The following PAPPA2 variants were observed in gnomAD, a reference collection of about 807,000 sequenced individuals.
The protein encoded by PAPPA2 is pappalysin-2.
PAPPA2 carries 86 observed loss-of-function variants against 176.4 expected under a neutral mutation model. The ratio of observed to expected loss-of-function variants is 0.49; its 90% confidence interval spans 0.41 to 0.58. The LOEUF is 0.58. PAPPA2 is among the 20% of genes least tolerant of loss of function. PAPPA2 has a pLI of 0.00. For missense variants in PAPPA2, 2,073 were observed against 2,256.9 expected (o/e 0.92, Z 1.65); for synonymous variants, 809 against 852.2 (o/e 0.95, Z 0.88).
intron 12 of PAPPA2, among the ~76,000 whole-genome samples, chr1:176,728,822 A>T (rs551596169): frequency 1.3e-5 from 2 of 151,954 alleles, no homozygotes; most frequent in Non-Finnish European, 2.9e-5. Context: ...ATGCCCAAAC[A>T]TATATACATA....
At chr1:176,741,985 T>C (rs1662700083) in intron 14 of PAPPA2, among the ~76,000 whole-genome samples, 1 of 152,202 alleles carries the variant, frequency 6.6e-6, no homozygotes, top group Non-Finnish European at 1.5e-5. Flanking sequence ...GGTGACTGCC[T>C]TCTAATCTTT....
intron 17 of PAPPA2, among the ~76,000 whole-genome samples, chr1:176,776,516 AC>A (rs1664462006): frequency 6.6e-6 from 1 of 152,170 alleles, no homozygotes; most frequent in Non-Finnish European, 1.5e-5. Context: ...CCACATTGTG[AC>A]TATTTATTGT....
Position 176,793,578 on chromosome 1 carries a change from T to C in PAPPA2, c.5039T>C (p.Leu1680Ser). The change falls in exon 20 of 23, where the codon TTG (leucine) becomes TCG (serine). Residue 1680 changes from leucine to serine, a missense_variant. This residue lies in a region of PAPPA2 where 846 missense variants were observed against 857.9 expected (regional missense o/e 0.99). Transcript: ENST00000367662. ...CTTTCAGGTGCAGTGTGTTCCCCAT[T>C]GTGTGTAATCCCCCCCAGTGACCCC... ...GYGIGAVCSP[L>S]CVIPPSDPVM... 1 of 1,611,926 alleles carries C rather than the reference T, an allele frequency of 6.2e-7. No homozygotes were observed. The highest frequency in any genetic ancestry group is 8.5e-7 in the Non-Finnish European group (1 of 1,178,284).
At chr1:176,477,239 T>C (rs1652170355) in intron 1 of PAPPA2, among the ~76,000 whole-genome samples, 1 of 152,216 alleles carries the variant, frequency 6.6e-6, no homozygotes, top group African/African-American at 2.4e-5. Flanking sequence ...TGCATGCTCA[T>C]ACTTTCCTTT....
chr1:176,725,023 A>C (rs1001329946), intron 12 of PAPPA2, among the ~76,000 whole-genome samples: 2 of 152,220 alleles, frequency 1.3e-5, no homozygotes, highest in African/African-American at 2.4e-5. Flanking sequence ...TTCTATAAAG[A>C]AAGCAGATTA....
chr1:176,702,771 G>T, intron 9 of PAPPA2, 36 bp downstream of exon 9: 2 of 1,558,926 alleles, frequency 1.3e-6, no homozygotes, highest in Non-Finnish European at 8.7e-7. Context: ...GTGTGTGTGT[G>T]TGTGTGAGAG....
chr1:176,744,352 G>A (rs1310172051), intron 14 of PAPPA2, among the ~76,000 whole-genome samples: 1 of 151,988 alleles, frequency 6.6e-6, no homozygotes, highest in African/African-American at 2.4e-5. Context: ...TGAGCCCCAG[G>A]CACATAGCTT....
intron 13 of PAPPA2, 86 bp downstream of exon 13, chr1:176,739,847 T>C (rs968130235): frequency 1.9e-6 from 3 of 1,577,340 alleles, no homozygotes; most frequent in Admixed American, 1.7e-5. Flanking sequence ...TTTTATGTTG[T>C]CTGGGATCTT....
Position 176,626,511 on chromosome 1 carries a change from C to T in PAPPA2, c.1991+30916C>T, listed in dbSNP as rs376775325. 2.3e-4 allele frequency among the ~76,000 whole-genome samples: 35 copies of T among 152,210 alleles called. No homozygotes were observed. In the South Asian group the frequency reaches 7.1e-3, roughly 31 times the overall value. Reference sequence around the variant, plus strand: ...GTGAGCTATAGTGTACAGCCATGCTCCTCTCTCAGAAAAGTCAAACTGACA... The same window carrying T: ...GTGAGCTATAGTGTACAGCCATGCTTCTCTCTCAGAAAAGTCAAACTGACA... On this transcript the variant is annotated intron_variant, in intron 3 of 22. Coordinates refer to ENST00000367662, the MANE Select transcript of PAPPA2 (RefSeq NM_020318.3).
intron 3 of PAPPA2, among the ~76,000 whole-genome samples, chr1:176,598,303 A>T (rs1170560978): frequency 6.6e-6 from 1 of 152,046 alleles, no homozygotes; most frequent in Non-Finnish European, 1.5e-5. Flanking sequence ...ACACCTCCAA[A>T]TATTATATTT....
At chr1:176,715,102 A>C (rs1262801679) in intron 12 of PAPPA2, among the ~76,000 whole-genome samples, 2 of 152,086 alleles carry the variant, frequency 1.3e-5, no homozygotes, top group African/African-American at 4.8e-5. Context: ...GATTCCACCT[A>C]AACCCCCTGC....
intron 2 of PAPPA2, among the ~76,000 whole-genome samples, chr1:176,582,660 C>T (rs1306054534): frequency 6.6e-6 from 1 of 151,848 alleles, no homozygotes; most frequent in Non-Finnish European, 1.5e-5. Context: ...ATTTGGTTTG[C>T]TAATATTTTG....
At chr1:176,541,271 C>T (rs1484531297) in intron 1 of PAPPA2, among the ~76,000 whole-genome samples, 5 of 152,192 alleles carry the variant, frequency 3.3e-5, no homozygotes, top group Non-Finnish European at 7.3e-5. Context: ...CATGATTTCT[C>T]CACTTGTGGA....
intron 10 of PAPPA2, among the ~76,000 whole-genome samples, chr1:176,707,352 C>G (rs1479609429): frequency 6.6e-6 from 1 of 152,168 alleles, no homozygotes; most frequent in Admixed American, 6.5e-5. Flanking sequence ...GTGGTCCTCT[C>G]TCCATAAATT....
chr1:176,550,135 A>T (rs1334819461), intron 1 of PAPPA2, among the ~76,000 whole-genome samples: 2 of 152,212 alleles, frequency 1.3e-5, no homozygotes, highest in African/African-American at 4.8e-5. Context: ...TTCACTTAGC[A>T]TAATGCATTT....
At chr1:176,682,092 T>C (rs188316461) in intron 4 of PAPPA2, among the ~76,000 whole-genome samples, 2 of 152,326 alleles carry the variant, frequency 1.3e-5, no homozygotes, top group African/African-American at 4.8e-5. Flanking sequence ...CAGTTAGATA[T>C]TGAGATTAAA....
At chr1:176,778,090 G>A (rs773855590) in intron 17 of PAPPA2, among the ~76,000 whole-genome samples, 32 of 149,634 alleles carry the variant, frequency 2.1e-4, no homozygotes, top group Non-Finnish European at 3.8e-4. Context: ...ACTGGAATTG[G>A]CATTCGAGGT....
intron 4 of PAPPA2, among the ~76,000 whole-genome samples, chr1:176,673,624 C>T (rs1213036778): frequency 6.6e-6 from 1 of 152,076 alleles, no homozygotes; most frequent in Non-Finnish European, 1.5e-5. Context: ...AATTGTTGGG[C>T]TGGGGCATAC....
chr1:176,591,032 T>C (rs958201352), intron 2 of PAPPA2, among the ~76,000 whole-genome samples: 4 of 151,826 alleles, frequency 2.6e-5, no homozygotes, highest in African/African-American at 9.7e-5. Context: ...AAGGACTATA[T>C]AAATGGGAGA....
Sources: gnomAD v4.1 joint callset for allele counts (sites outside exome capture counted in the v4.1 genomes callset) on GRCh38, gnomAD v4.1.1 for gene constraint, gnomAD v4.1.1 regional missense constraint, MANE v1.5 for transcripts, NCBI Gene and HGNC (gene_info 2026-07-23, HGNC 2026-07-21) for gene names.